CDH7: variants seen among roughly 807,000 people sequenced by gnomAD.
CDH7 encodes the protein cadherin 7, also known as cadherin-7.
Under a neutral mutation model 71.8 loss-of-function variants are expected in CDH7, and 25 were observed. The ratio of observed to expected loss-of-function variants is 0.35; its 90% CI spans 0.25 to 0.49. The LOEUF is 0.49. Among genes scored for constraint, CDH7 ranks in the 20% least tolerant of loss-of-function variants. The probability of loss-of-function intolerance (pLI) is 0.99; values close to 1 mark genes in which losing one functional copy is unlikely to be tolerated. For synonymous variants in CDH7, 381 were observed against 363.8 expected, an observed-to-expected ratio of 1.05 and a Z score of -0.54; for missense variants, 862 against 974.6, an observed-to-expected ratio of 0.88 and a Z score of 1.54.
chr18:65,802,510 T>A (rs1187883899), intron 2 of CDH7, among the ~76,000 whole-genome samples: 1 of 152,164 alleles, frequency 6.6e-6, no homozygotes, highest in African/African-American at 2.4e-5. Flanking sequence ...AGCCCCATTT[T>A]AAAAAGTAAA....
intron 7 of CDH7, among the ~76,000 whole-genome samples, chr18:65,856,733 T>TCG (rs1913370528): frequency 1.3e-5 from 2 of 150,036 alleles, no homozygotes; most frequent in South Asian, 4.3e-4. Flanking sequence ...ATTTGTTCGT[T>TCG]TAATTGTTTG....
intron 7 of CDH7, among the ~76,000 whole-genome samples, chr18:65,845,480 C>T (rs370343490): frequency 6.6e-6 from 1 of 152,040 alleles, no homozygotes; most frequent in Non-Finnish European, 1.5e-5. Flanking sequence ...GTCAAGAAAA[C>T]TTTCTGACTG....
At chr18:65,827,086 A>G (rs1017823374) in intron 6 of CDH7, among the ~76,000 whole-genome samples, 15 of 151,712 alleles carry the variant, frequency 9.9e-5, no homozygotes, top group Non-Finnish European at 1.8e-4. Flanking sequence ...TTATTATTAA[A>G]TATTTATTCA....
intron 4 of CDH7, among the ~76,000 whole-genome samples, chr18:65,819,317 T>C (rs4941356): frequency 0.61 from 92,860 of 152,050 alleles, 29,802 homozygotes; most frequent in East Asian, 0.96. Flanking sequence ...CAAGAGACCA[T>C]AGATTGCAGA....
At chr18:65,757,639 T>G (rs1363363826) in intron 1 of CDH7, among the ~76,000 whole-genome samples, 2 of 152,084 alleles carry the variant, frequency 1.3e-5, no homozygotes, top group Non-Finnish European at 1.5e-5. Flanking sequence ...TAACCATCAC[T>G]ACTACTCCCT....
intron 11 of CDH7, chr18:65,866,315 CAAAAAAAAAAAA>C (rs1568228989): frequency 0.2 from 267 of 1,364 alleles, 91 homozygotes; most frequent in Middle Eastern, 1. Context: ...AAAAAAAAAA[CAAAAAAAAAAAA>C]AAACAAAAAA....
At chr18:65,822,356 C>T in intron 5 of CDH7, 108 bp downstream of exon 5, 1 of 811,546 alleles carries the variant, frequency 1.2e-6, no homozygotes, top group Non-Finnish European at 1.9e-6. Flanking sequence ...AAATAATTGT[C>T]TTACTTCATT....
chr18:65,844,792 A>G (rs1401408274), intron 7 of CDH7, among the ~76,000 whole-genome samples: 1 of 152,080 alleles, frequency 6.6e-6, no homozygotes, highest in Admixed American at 6.6e-5. Flanking sequence ...GTAACATTAT[A>G]AATAGAATAT....
At chr18:65,769,154 C>T (rs1268161928) in intron 2 of CDH7, among the ~76,000 whole-genome samples, 3 of 152,276 alleles carry the variant, frequency 2.0e-5, no homozygotes, top group Admixed American at 6.5e-5. Context: ...CAAGAACAAA[C>T]GCTTGCATGA....
At chr18:65,858,734 A>G (rs1913453983) in intron 8 of CDH7, among the ~76,000 whole-genome samples, 191 bp from the exon 9 acceptor site, 1 of 152,060 alleles carries the variant, frequency 6.6e-6, no homozygotes. Flanking sequence ...GTATATATAT[A>G]CACACACATA....
rs1555692661 is a variant in CDH7 at position 65,885,372 on chromosome 18, G to GTTTTTTTTCTTTTTTTTTTTTCTTTTTTT, written c.*4486_*4487insCTTTTTTTTTTTTCTTTTTTTTTTTTTTT. 4 of 69,444 alleles carry GTTTTTTTTCTTTTTTTTTTTTCTTTTTTT rather than the reference G, an allele frequency of 5.8e-5. No individual in the cohort carries two copies. Among genetic ancestry groups the GTTTTTTTTCTTTTTTTTTTTTCTTTTTTT allele is most frequent in the Non-Finnish European group, 2.7e-5 (1 of 37,386 alleles). 4.3% of individuals were successfully genotyped at this position (69,444 alleles called of 1,614,324 possible). On this transcript the variant is annotated 3_prime_UTR_variant, in exon 12 of 12. Transcript: ENST00000397968. The stretch of plus-strand genomic sequence containing the variant: ...GTAACTGAAAAGGATGTGTGCCTGT[G>GTTTTTTTTCTTTTTTTTTTTTCTTTTTTT]TTTTTTTTTTTTTTTTTTTTTTTGA...
At chr18:65,770,993 T>C (rs949777901) in intron 2 of CDH7, among the ~76,000 whole-genome samples, 4 of 152,194 alleles carry the variant, frequency 2.6e-5, no homozygotes, top group Non-Finnish European at 4.4e-5. Context: ...CAGTTTCTGG[T>C]GAGTGCTCTT....
At chr18:65,771,811 G>GA (rs570768932) in intron 2 of CDH7, among the ~76,000 whole-genome samples, 4 of 151,642 alleles carry the variant, frequency 2.6e-5, no homozygotes, top group African/African-American at 7.3e-5. Flanking sequence ...CCATGCAAAC[G>GA]AAAAAAAAGA....
At position 65,768,177 on chromosome 18, in the gene CDH7, G is replaced by A. The variant is rs189127391; in HGVS notation, c.210+5125G>A. Among the ~76,000 whole-genome samples the A allele has an allele frequency of 3.3e-5, 5 of 151,196 alleles. No individual in the cohort carries two copies. In the East Asian group the frequency reaches 9.7e-4, roughly 29 times the overall value. ...GCAATCTACTTGCGTCCTATTTTGT[G>A]ATGAAAACAGCAAACATTTTCAACT... On this transcript the variant is annotated intron_variant, in intron 2 of 11. Coordinates refer to ENST00000397968, the MANE Select transcript of CDH7 (RefSeq NM_004361.5).
intron 2 of CDH7, among the ~76,000 whole-genome samples, chr18:65,775,203 CA>C (rs550832682): frequency 5.9e-5 from 9 of 152,198 alleles, no homozygotes; most frequent in African/African-American, 2.2e-4. Context: ...ATGATTATGC[CA>C]GTGCATAGAG....
chr18:65,834,854 C>G (rs1912478706), intron 6 of CDH7, among the ~76,000 whole-genome samples: 1 of 152,220 alleles, frequency 6.6e-6, no homozygotes, highest in Non-Finnish European at 1.5e-5. Context: ...CTGACAAAAA[C>G]TGGTCACCAA....
intron 2 of CDH7, among the ~76,000 whole-genome samples, chr18:65,797,203 T>C (rs1392517535): frequency 6.6e-6 from 1 of 152,136 alleles, no homozygotes; most frequent in Non-Finnish European, 1.5e-5. Flanking sequence ...CAATATGCCT[T>C]TCCAGAGTCC....
intron 2 of CDH7, among the ~76,000 whole-genome samples, chr18:65,783,582 A>G (rs1910391536): frequency 6.6e-6 from 1 of 152,194 alleles, no homozygotes; most frequent in Non-Finnish European, 1.5e-5. Context: ...TAGTATATAC[A>G]GTTTCTATGG....
intron 7 of CDH7, among the ~76,000 whole-genome samples, chr18:65,852,274 C>T (rs1178881047): frequency 6.6e-6 from 1 of 152,100 alleles, no homozygotes; most frequent in Non-Finnish European, 1.5e-5. Context: ...ATCTTGGATC[C>T]AACCCCCAAC....
Sources: allele counts gnomAD v4.1 joint callset (sites outside exome capture counted in the v4.1 genomes callset), GRCh38; gene constraint gnomAD v4.1.1; transcripts MANE v1.5; gene names NCBI Gene and HGNC (gene_info 2026-07-23, HGNC 2026-07-21).